Variants in DECR1 observed in about 807,000 individuals in gnomAD.
The protein encoded by DECR1 is 2,4-dienoyl-CoA reductase 1.
A neutral mutation model predicts 38.8 loss-of-function variants in DECR1; 44 were observed. The ratio of observed to expected loss-of-function variants is 1.13; its 90% confidence interval spans 0.89 to 1.46. The LOEUF (loss-of-function observed/expected upper bound fraction) is 1.46, where lower values mean the gene tolerates loss of function less well. DECR1 is among the 40% of genes most tolerant of loss of function. The pLI, the probability that DECR1 is intolerant of heterozygous loss-of-function variation, is 0.00. For synonymous variants in DECR1, 148 were observed against 135.2 expected (o/e 1.09, Z -0.66); for missense variants, 428 against 405.5 (o/e 1.06, Z -0.48).
At chr8:90,032,673 A>G (rs1380470600) in intron 5 of DECR1, among the ~76,000 whole-genome samples, 1 of 152,184 alleles carries the variant, frequency 6.6e-6, no homozygotes, top group Non-Finnish European at 1.5e-5. Context: ...GTAAATAATC[A>G]TGTAATATCT....
At chr8:90,005,733 T>C in intron 1 of DECR1, 1 of 310,406 alleles carries the variant, frequency 3.2e-6, no homozygotes, top group Admixed American at 4.6e-5. Context: ...TGAGGCTGGG[T>C]AATTTATAAA....
At chr8:90,050,164 A>G (rs1814036596) in intron 8 of DECR1, among the ~76,000 whole-genome samples, 1 of 152,262 alleles carries the variant, frequency 6.6e-6, no homozygotes, top group Admixed American at 6.5e-5. Flanking sequence ...CACAAAAGCC[A>G]AAATAGACAA....
chr8:90,048,981 A>T (rs987548495), intron 8 of DECR1, among the ~76,000 whole-genome samples: 11 of 152,234 alleles, frequency 7.2e-5, no homozygotes, highest in African/African-American at 2.4e-4. Context: ...CTTCGACAAA[A>T]TTCAACTGCC....
In DECR1 at chr8:90,051,917, T is replaced by A; in HGVS notation, c.*20T>A. 1 of 1,609,104 alleles carries A rather than the reference T, an allele frequency of 6.2e-7. No individual in the cohort carries two copies. The highest frequency in any genetic ancestry group is 8.5e-7 in the Non-Finnish European group (1 of 1,175,832). On this transcript the variant is annotated 3_prime_UTR_variant, in exon 10 of 10. Coordinates refer to ENST00000220764, the MANE Select transcript of DECR1 (RefSeq NM_001359.2). Reference sequence around the variant, plus strand: ...TCCTAAGACCACTTTGGCCTTCATCTTGGTTACAGAAAAGGGAATAGAAAT... The same window carrying A: ...TCCTAAGACCACTTTGGCCTTCATCATGGTTACAGAAAAGGGAATAGAAAT...
intron 5 of DECR1, 63 bp from the exon 6 acceptor site, chr8:90,036,778 G>C: frequency 1.9e-6 from 2 of 1,048,344 alleles, no homozygotes; most frequent in Admixed American, 2.2e-5. Context: ...TATAAATAAT[G>C]TTTTCCTTAT....
chr8:90,014,042 C>T (rs1009187645), intron 1 of DECR1, among the ~76,000 whole-genome samples: 1 of 151,890 alleles, frequency 6.6e-6, no homozygotes, highest in Admixed American at 6.5e-5. Flanking sequence ...GAGCTTGTAA[C>T]TAAAAAATAA....
chr8:90,004,192 G>A (rs977648418), intron 1 of DECR1, among the ~76,000 whole-genome samples: 24 of 151,132 alleles, frequency 1.6e-4, no homozygotes, highest in South Asian at 4.2e-4. Flanking sequence ...GCGTGGTGGC[G>A]CGTGCCTGTA....
At chr8:90,036,556 G>T (rs1320353049) in intron 5 of DECR1, among the ~76,000 whole-genome samples, 3 of 152,078 alleles carry the variant, frequency 2.0e-5, no homozygotes, top group Non-Finnish European at 4.4e-5. Flanking sequence ...ATTATACAAG[G>T]TGCAATAGGG....
chr8:90,052,979 C>T lies in DECR1; in HGVS notation c.*1082C>T, dbSNP rs1814133425. On this transcript the variant is annotated 3_prime_UTR_variant, in exon 10 of 10. Transcript: ENST00000220764. ...ATTAACATTGACAGTTAATTGTGTACATAAATTACATTTATTACATTTAAT... is the reference window on the plus strand; with the variant it reads ...ATTAACATTGACAGTTAATTGTGTATATAAATTACATTTATTACATTTAAT... Among the ~76,000 whole-genome samples, 1 of 152,088 alleles carries T rather than the reference C, an allele frequency of 6.6e-6. No individual in the cohort carries two copies.
intron 6 of DECR1, among the ~76,000 whole-genome samples, chr8:90,041,142 C>T (rs1813750897): frequency 6.6e-6 from 1 of 152,122 alleles, no homozygotes; most frequent in Non-Finnish European, 1.5e-5. Flanking sequence ...TCTGTTGTTT[C>T]CTGACTTTTT....
chr8:90,045,299 TG>T (rs993318014), intron 8 of DECR1, among the ~76,000 whole-genome samples: 1 of 151,968 alleles, frequency 6.6e-6, no homozygotes, highest in African/African-American at 2.4e-5. Context: ...CCCTGACAGA[TG>T]GTACCTGGAA....
chr8:90,027,618 A>G (rs1049575137), intron 5 of DECR1, among the ~76,000 whole-genome samples: 6 of 152,138 alleles, frequency 3.9e-5, no homozygotes, highest in Non-Finnish European at 5.9e-5. Flanking sequence ...GTGTCTCTGC[A>G]GGTGAGATGG....
intron 1 of DECR1, among the ~76,000 whole-genome samples, chr8:90,008,190 C>T (rs954033789): frequency 6.6e-6 from 1 of 152,210 alleles, no homozygotes; most frequent in African/African-American, 2.4e-5. Flanking sequence ...CCAACTTGGT[C>T]TTCTCATGTC....
At chr8:90,044,814 C>G in intron 7 of DECR1, 35 bp from the exon 8 acceptor site, 7 of 1,571,924 alleles carry the variant, frequency 4.5e-6, no homozygotes, top group Non-Finnish European at 6.0e-6. Context: ...GATTGAAAAA[C>G]CCGACACAAC....
Position 90,052,767 on chromosome 8 carries a change from A to G in DECR1, c.*870A>G, listed in dbSNP as rs1333311904. ...TGAAAATCAAATAATAATGAATCCA[A>G]AGTCTCAAGTCTACAGAGCTATACT... On this transcript the variant is annotated 3_prime_UTR_variant, in exon 10 of 10. Transcript: ENST00000220764. 6.6e-6 allele frequency among the ~76,000 whole-genome samples: 1 copy of G among 152,154 alleles called. No individual in the cohort carries two copies. The highest frequency in any genetic ancestry group is 1.5e-5 in the Non-Finnish European group (1 of 68,026).
chr8:90,028,126 T>A (rs576881716), intron 5 of DECR1, among the ~76,000 whole-genome samples: 1 of 152,278 alleles, frequency 6.6e-6, no homozygotes, highest in East Asian at 1.9e-4. Flanking sequence ...CTCTGGCAGC[T>A]TTGTCCAACA....
At chr8:90,006,204 G>C (rs964784103) in intron 1 of DECR1, 1 of 704,140 alleles carries the variant, frequency 1.4e-6, no homozygotes. Flanking sequence ...GAAGCCTGGA[G>C]TTGTACTACC....
At chr8:90,028,759 T>C (rs1051300956) in intron 5 of DECR1, among the ~76,000 whole-genome samples, 7 of 152,002 alleles carry the variant, frequency 4.6e-5, no homozygotes, top group Non-Finnish European at 1.0e-4. Context: ...TCCTTCCTTC[T>C]TTTTTTCTTT....
intron 7 of DECR1, 52 bp downstream of exon 7, chr8:90,042,852 A>G (rs2130151204): frequency 7.0e-7 from 1 of 1,424,886 alleles, no homozygotes; most frequent in South Asian, 1.1e-5. Context: ...ATAATGAAAC[A>G]CTGATAGGTA....
Sources: allele counts gnomAD v4.1 joint callset (sites outside exome capture counted in the v4.1 genomes callset), GRCh38; gene constraint gnomAD v4.1.1; transcripts MANE v1.5; gene names NCBI Gene and HGNC (gene_info 2026-07-23, HGNC 2026-07-21).